The following OR2M3 variants were observed in gnomAD, a reference collection of about 807,000 sequenced individuals.
The protein encoded by OR2M3 is olfactory receptor 2M3.
Under a neutral mutation model 4.3 loss-of-function variants are expected in OR2M3, and 1 was observed. The ratio of observed to expected loss-of-function variants is 0.23; its 90% CI spans 0.08 to 1.11. The LOEUF (loss-of-function observed/expected upper bound fraction) is 1.11, where lower values mean the gene tolerates loss of function less well. OR2M3 is among the 50% of genes most tolerant of loss of function. OR2M3 has a pLI of 0.54. For synonymous variants in OR2M3, 151 were observed against 139.4 expected (o/e 1.08, Z -0.59); for missense variants, 410 against 390.4 (o/e 1.05, Z -0.42).
Position 248,202,952 on chromosome 1 carries a change from G to T in OR2M3, c.-18-98G>T, listed in dbSNP as rs529684394. 9.6e-6 allele frequency: 10 copies of T among 1,037,956 alleles called. No homozygotes were observed. The Admixed American group carries it at 1.6e-4, about 16-fold the overall frequency. 64.3% of individuals were successfully genotyped at this position (1,037,956 alleles called of 1,614,324 possible). On this transcript the variant is annotated intron_variant, in intron 1 of 1. Coordinates refer to ENST00000641626, the MANE Select transcript of OR2M3 (RefSeq NM_001004689.2). ...TTAGTTTCCTACTTCTATTCATGCT[G>T]TATTGATCACCCAACTACAGAAGTT...
rs150947653 is a variant in OR2M3 at position 248,203,232 on chromosome 1, C to T, written c.165C>T (p.Leu55=). The part of the protein sequence containing the change: ...MVLLIYLDTQ[L]HTPMYLLLSQ... The stretch of plus-strand genomic sequence containing the variant: ...TCCTCATCTACCTGGACACCCAGCT[C>T]CACACCCCCATGTACCTCCTCCTCA... Residue 55 remains leucine, a synonymous_variant, in exon 2 of 2, where the codon CTC becomes CTT. Coordinates refer to ENST00000641626, the MANE Select transcript of OR2M3 (RefSeq NM_001004689.2). 15 of 1,614,076 alleles carry T rather than the reference C, an allele frequency of 9.3e-6. No homozygotes were observed. Among genetic ancestry groups the T allele is most frequent in the Admixed American group, 1.7e-5 (1 of 59,998 alleles).
rs994928802 is a variant in OR2M3, at chr1:248,209,786, A to G, written c.*5780A>G. ...TTTTGTTGGCCTTCAGCCAGGAGGT[A>G]GTGCTTTCCAGAGTGCATCAGCGGC... On this transcript the variant is annotated 3_prime_UTR_variant, in exon 2 of 2. Transcript: ENST00000641626. 2.6e-5 allele frequency: 4 copies of G among 152,414 alleles called. No homozygotes were observed. Among genetic ancestry groups the G allele is most frequent in the African/African-American group, 7.2e-5 (3 of 41,438 alleles). 9.4% of individuals were successfully genotyped at this position (152,414 alleles called of 1,614,324 possible).
chr1:248,198,528 A>C (rs1294696163), intron 1 of OR2M3, among the ~76,000 whole-genome samples: 2 of 152,154 alleles, frequency 1.3e-5, no homozygotes, highest in African/African-American at 4.8e-5. Context: ...AAAAGGGTAA[A>C]GTCAGTTTAG....
chr1:248,203,768 G>T lies in OR2M3; in HGVS notation c.701G>T (p.Arg234Leu), dbSNP rs770112075. The T allele has an allele frequency of 1.2e-6, 2 of 1,612,370 alleles. No individual in the cohort carries two copies. Among genetic ancestry groups the T allele is most frequent in the Non-Finnish European group, 1.7e-6 (2 of 1,179,790 alleles). ...AVIHMGSGEG[R>L]RKAFTTCSSH... ...ATTCACATGGGATCTGGAGAGGGTCGTCGCAAAGCTTTTACTACTTGTTCC... is the reference window on the plus strand; with the variant it reads ...ATTCACATGGGATCTGGAGAGGGTCTTCGCAAAGCTTTTACTACTTGTTCC... The change falls in exon 2 of 2, where the codon CGT becomes CTT. Residue 234 changes from arginine to leucine, a missense_variant. Arg to Leu is a moderately radical substitution (Grantham distance 102). Coordinates refer to ENST00000641626, the MANE Select transcript of OR2M3 (RefSeq NM_001004689.2).
chr1:248,197,753 C>T (rs899520391), intron 1 of OR2M3, among the ~76,000 whole-genome samples: 4 of 152,128 alleles, frequency 2.6e-5, no homozygotes, highest in African/African-American at 9.7e-5. Flanking sequence ...AAAATCAGAA[C>T]CTTTTCAGTG....
chr1:248,203,749 A>G lies in OR2M3; in HGVS notation c.682A>G (p.Met228Val), dbSNP rs1375137777. 6.2e-7 allele frequency: 1 copy of G among 1,612,308 alleles called. No homozygotes were observed. Among genetic ancestry groups the G allele is most frequent in the South Asian group, 1.1e-5 (1 of 90,982 alleles). ...YARVILAVIH[M>V]GSGEGRRKAF... Reference sequence around the variant, plus strand: ...TCGAGTTATCCTGGCTGTCATTCACATGGGATCTGGAGAGGGTCGTCGCAA... The same window carrying G: ...TCGAGTTATCCTGGCTGTCATTCACGTGGGATCTGGAGAGGGTCGTCGCAA... Residue 228 changes from methionine to valine, a missense_variant, in exon 2 of 2, where the codon ATG becomes GTG. Met to Val is a conservative substitution (Grantham distance 21). Coordinates refer to ENST00000641626, the MANE Select transcript of OR2M3 (RefSeq NM_001004689.2).
Position 248,203,685 on chromosome 1 carries a change from G to T in OR2M3, c.618G>T (p.Met206Ile), listed in dbSNP as rs147718356. The change falls in exon 2 of 2, where the codon ATG becomes ATT. Residue 206 changes from methionine to isoleucine, a missense_variant. Coordinates refer to ENST00000641626, the MANE Select transcript of OR2M3 (RefSeq NM_001004689.2). ...TTCTTTTCATCTGCTGTATAGTAAT[G>T]ATTGTTTTCCCTGTTGCAATCATCA... ...EKILFICCIV[M>I]IVFPVAIIIA... is the part of the protein sequence containing the mutation. 2.0e-5 allele frequency: 32 copies of T among 1,613,170 alleles called. No homozygotes were observed. Among genetic ancestry groups the T allele is most frequent in the Admixed American group, 3.3e-5 (2 of 59,960 alleles).
Position 248,204,073 on chromosome 1 carries a change from T to G in OR2M3, c.*67T>G. On this transcript the variant is annotated 3_prime_UTR_variant, in exon 2 of 2. Coordinates refer to ENST00000641626, the MANE Select transcript of OR2M3 (RefSeq NM_001004689.2). ...TTTTTTAAATGGTCCTATTTTTCCA[T>G]TAAGCCTTGAAAATGGGATTCATTG... 1 of 1,507,414 alleles carries G rather than the reference T, an allele frequency of 6.6e-7. No homozygotes were observed. The highest frequency in any genetic ancestry group is 9.2e-7 in the Non-Finnish European group (1 of 1,090,428). 93.4% of individuals were successfully genotyped at this position (1,507,414 alleles called of 1,614,324 possible).
rs1473621037 is a variant in OR2M3, at chr1:248,212,213, T to C, written c.*8207T>C. On this transcript the variant is annotated 3_prime_UTR_variant, in exon 2 of 2. Coordinates refer to ENST00000641626, the MANE Select transcript of OR2M3 (RefSeq NM_001004689.2). ...GTACATGAAACAAGAAGTATACTAATAGCCATCAAATATTTTAAATATTAA... is the reference window on the plus strand; with the variant it reads ...GTACATGAAACAAGAAGTATACTAACAGCCATCAAATATTTTAAATATTAA... The C allele has an allele frequency of 6.6e-6, 1 of 152,100 alleles. No homozygotes were observed. The highest frequency in any genetic ancestry group is 2.4e-5 in the African/African-American group (1 of 41,432). 9.4% of individuals were successfully genotyped at this position (152,100 alleles called of 1,614,324 possible). A position where few individuals can be genotyped will look rare whatever the true frequency, so the allele number is the denominator to read the frequency against.
intron 1 of OR2M3, among the ~76,000 whole-genome samples, chr1:248,198,582 A>G (rs1002196697): frequency 3.3e-5 from 5 of 152,190 alleles, no homozygotes; most frequent in African/African-American, 1.2e-4. Context: ...GCTGTCTGAT[A>G]CATAATGCTT....
rs1666261596 is a variant in OR2M3, at chr1:248,209,877, G to A, written c.*5871G>A. ...AAGTATTCAGGTTTCTCAGGTGATG[G>A]GTGAGGCCATAGAGGTAACAAGAGA... On this transcript the variant is annotated 3_prime_UTR_variant, in exon 2 of 2. Coordinates refer to ENST00000641626, the MANE Select transcript of OR2M3 (RefSeq NM_001004689.2). 6.6e-6 allele frequency: 1 copy of A among 152,210 alleles called. No homozygotes were observed. The allele number at this position is 152,210 out of a possible 1,614,324, so 9.4% of individuals were successfully genotyped here. A position where few individuals can be genotyped will look rare whatever the true frequency, so the allele number is the denominator to read the frequency against.
chr1:248,198,814 C>A (rs1666125854), intron 1 of OR2M3, among the ~76,000 whole-genome samples: 1 of 152,058 alleles, frequency 6.6e-6, no homozygotes, highest in Non-Finnish European at 1.5e-5. Flanking sequence ...TGAAATATGA[C>A]CATGAATTTC....
chr1:248,200,466 C>G (rs1250083280), intron 1 of OR2M3, among the ~76,000 whole-genome samples: 2 of 152,058 alleles, frequency 1.3e-5, no homozygotes, highest in African/African-American at 4.8e-5. Flanking sequence ...CCCAGAGATG[C>G]CCATTTCTCA....
At position 248,212,896 on chromosome 1, in the gene OR2M3, A is replaced by T. The variant is rs1666296303; in HGVS notation, c.*8890A>T. Reference sequence around the variant, plus strand: ...GTTTTTACATCATTTTGTTTTATTCATATTATAAAGGATTATATATCTGTT... The same window carrying T: ...GTTTTTACATCATTTTGTTTTATTCTTATTATAAAGGATTATATATCTGTT... On this transcript the variant is annotated 3_prime_UTR_variant, in exon 2 of 2. Coordinates refer to ENST00000641626, the MANE Select transcript of OR2M3 (RefSeq NM_001004689.2). 1 of 152,112 alleles carries T rather than the reference A, an allele frequency of 6.6e-6. No homozygotes were observed. Among genetic ancestry groups the T allele is most frequent in the East Asian group, 1.9e-4 (1 of 5,182 alleles). The allele number at this position is 152,112 out of a possible 1,614,324, so 9.4% of individuals were successfully genotyped here.
chr1:248,204,002 A>C lies in OR2M3; in HGVS notation c.935A>C (p.Glu312Ala). ...MKILGKGKSG[E>A] Reference sequence around the variant, plus strand: ...ATCTTAGGAAAGGGCAAGTCTGGAGAGTGAGTTACCTAATAAACTTCATGT... The same window carrying C: ...ATCTTAGGAAAGGGCAAGTCTGGAGCGTGAGTTACCTAATAAACTTCATGT... The change falls in exon 2 of 2, where the codon GAG becomes GCG. Residue 312 changes from glutamate (E) to alanine (A), a missense_variant. Coordinates refer to ENST00000641626, the MANE Select transcript of OR2M3 (RefSeq NM_001004689.2). The C allele has an allele frequency of 6.2e-7, 1 of 1,613,734 alleles. No homozygotes were observed. Among genetic ancestry groups the C allele is most frequent in the East Asian group, 2.2e-5 (1 of 44,852 alleles).
At position 248,210,261 on chromosome 1, in the gene OR2M3, A is replaced by T. The variant is rs1373509421; in HGVS notation, c.*6255A>T. ...CAGGGCTGAGAATTTGCCCCAGACCATGAGCCTCTCTGTTGAGAAAGCAAA... is the reference window on the plus strand; with the variant it reads ...CAGGGCTGAGAATTTGCCCCAGACCTTGAGCCTCTCTGTTGAGAAAGCAAA... On this transcript the variant is annotated 3_prime_UTR_variant, in exon 2 of 2. Transcript: ENST00000641626. 6.6e-6 allele frequency: 1 copy of T among 152,358 alleles called. No individual in the cohort carries two copies. Among genetic ancestry groups the T allele is most frequent in the African/African-American group, 2.4e-5 (1 of 41,400 alleles). 9.4% of individuals were successfully genotyped at this position (152,358 alleles called of 1,614,324 possible). A position where few individuals can be genotyped will look rare whatever the true frequency, so the allele number is the denominator to read the frequency against.
chr1:248,200,666 G>A (rs531862841), intron 1 of OR2M3, among the ~76,000 whole-genome samples: 1 of 152,200 alleles, frequency 6.6e-6, no homozygotes, highest in African/African-American at 2.4e-5. Flanking sequence ...GTCACTTAAG[G>A]AGATTCCTTC....
At position 248,207,685 on chromosome 1, in the gene OR2M3, T is replaced by C. The variant is rs1174080474; in HGVS notation, c.*3679T>C. The C allele has an allele frequency of 6.6e-6, 1 of 152,148 alleles. No homozygotes were observed. The highest frequency in any genetic ancestry group is 1.5e-5 in the Non-Finnish European group (1 of 67,994). The allele number at this position is 152,148 out of a possible 1,614,324, so 9.4% of individuals were successfully genotyped here. On this transcript the variant is annotated 3_prime_UTR_variant, in exon 2 of 2. Coordinates refer to ENST00000641626, the MANE Select transcript of OR2M3 (RefSeq NM_001004689.2). ...GTCTGAGACAGTACTTGATATAATT[T>C]TGATTTTCTTAAATTCACTGAGACT...
At chr1:248,202,171 G>C (rs1042755941) in intron 1 of OR2M3, among the ~76,000 whole-genome samples, 11 of 152,136 alleles carry the variant, frequency 7.2e-5, no homozygotes, top group Admixed American at 2.0e-4. Flanking sequence ...CTAAGCAGAT[G>C]AATCTGTCCC....
Sources: allele counts gnomAD v4.1 joint callset (sites outside exome capture counted in the v4.1 genomes callset), GRCh38; gene constraint gnomAD v4.1.1; transcripts MANE v1.5; gene names NCBI Gene and HGNC (gene_info 2026-07-23, HGNC 2026-07-21).